Variants in BCL9 observed in about 807,000 individuals in gnomAD.
The protein encoded by BCL9 is BCL9 transcription coactivator.
A neutral mutation model predicts 88.5 loss-of-function variants in BCL9; 25 were observed. The ratio of observed to expected loss-of-function variants is 0.28; its 90% CI spans 0.21 to 0.39. BCL9 has a LOEUF of 0.39. Ranked by LOEUF, BCL9 falls within the 10% of genes least tolerant of loss-of-function variation. The probability of loss-of-function intolerance (pLI) is 1.00; values close to 1 mark genes in which losing one functional copy is unlikely to be tolerated. For synonymous variants in BCL9, 711 were observed against 673.3 expected, an observed-to-expected ratio of 1.06 and a Z score of -0.87; for missense variants, 1,817 against 1,877.8, an observed-to-expected ratio of 0.97 and a Z score of 0.60.
At position 147,544,846 on chromosome 1, in the gene BCL9, C is replaced by T. The variant is rs149410927; in HGVS notation, c.-478+3172C>T. ...AAGATAGAATGTTTTTTCTCTCTCT[C>T]TCTCTCTTCCTCCTATTTGTGGCCT... On this transcript the variant is annotated intron_variant, in intron 1 of 9. Coordinates refer to ENST00000234739, the MANE Select transcript of BCL9 (RefSeq NM_004326.4). Among the ~76,000 whole-genome samples the T allele has an allele frequency of 1.4e-3, 215 of 152,226 alleles. 1 individual carries two copies. Among genetic ancestry groups the T allele is most frequent in the Middle Eastern group, 3.5e-3 (1 of 288 alleles).
intron 1 of BCL9, among the ~76,000 whole-genome samples, chr1:147,592,473 G>A (rs1398976588): frequency 5.3e-5 from 8 of 152,166 alleles, no homozygotes; most frequent in Non-Finnish European, 1.0e-4. Flanking sequence ...CAGTTAAGGA[G>A]GATAGAGGTC....
At chr1:147,578,312 A>G (rs1443200971) in intron 1 of BCL9, among the ~76,000 whole-genome samples, 2 of 152,220 alleles carry the variant, frequency 1.3e-5, no homozygotes, top group Non-Finnish European at 2.9e-5. Context: ...TCCAAGATCC[A>G]AAAGTTTTTG....
At chr1:147,584,247 A>T (rs1172367954) in intron 1 of BCL9, among the ~76,000 whole-genome samples, 1 of 152,058 alleles carries the variant, frequency 6.6e-6, no homozygotes, top group Non-Finnish European at 1.5e-5. Flanking sequence ...AGGTTTTGCC[A>T]TGTTGGTCAC....
chr1:147,568,766 G>C (rs587682653), intron 1 of BCL9, among the ~76,000 whole-genome samples: 1 of 152,248 alleles, frequency 6.6e-6, no homozygotes, highest in African/African-American at 2.4e-5. Context: ...TAGCCCCAGG[G>C]CATTGGGCGT....
rs781978893 is a variant in BCL9 at position 147,588,052 on chromosome 1, C to T, written c.-477-16725C>T. Among the ~76,000 whole-genome samples, 781 of 152,094 alleles carry T rather than the reference C, an allele frequency of 5.1e-3. 7 individuals are homozygous for T. Among genetic ancestry groups the T allele is most frequent in the Non-Finnish European group, 7.0e-3 (475 of 68,012 alleles). On this transcript the variant is annotated intron_variant, in intron 1 of 9. Transcript: ENST00000234739. ...TTAATTAAAAAGTCTACTGGCAGGT[C>T]TTATAATTATTGTAATGTCATAGTG...
At position 147,611,708 on chromosome 1, in the gene BCL9, G is replaced by C; in HGVS notation, c.-129G>C. ...AAGAGGAAAAAGGCATACAGGCAGC[G>C]AGCGCTAAGGGACGCACCCAGCAAG... On this transcript the variant is annotated 5_prime_UTR_variant, in exon 4 of 10. Coordinates refer to ENST00000234739, the MANE Select transcript of BCL9 (RefSeq NM_004326.4). 1.2e-6 allele frequency: 1 copy of C among 811,420 alleles called. No homozygotes were observed. Among genetic ancestry groups the C allele is most frequent in the Middle Eastern group, 3.1e-4 (1 of 3,264 alleles). The allele number at this position is 811,420 out of a possible 1,614,324, so 50.3% of individuals were successfully genotyped here. A position where few individuals can be genotyped will look rare whatever the true frequency, so the allele number is the denominator to read the frequency against.
In BCL9 at chr1:147,624,075, G is replaced by A; in HGVS notation, c.3397G>A (p.Gly1133Arg). 1.9e-6 allele frequency: 3 copies of A among 1,612,038 alleles called. No individual in the cohort carries two copies. The highest frequency in any genetic ancestry group is 2.5e-6 in the Non-Finnish European group (3 of 1,178,450). ...GSQEPPMVPQ[G>R]RMGFPQGFPP... is the part of the protein sequence containing the mutation. ...CCAGGAGCCACCGATGGTACCTCAA[G>A]GACGGATGGGCTTCCCCCAGGGCTT... is the stretch of plus-strand genomic sequence containing the variant. Residue 1133 changes from glycine (G) to arginine (R), a missense_variant, in exon 10 of 10, where the codon GGA becomes AGA. Transcript: ENST00000234739. This position sits in a 1 kb window ranked among gnomAD's most constrained non-coding sequence, Gnocchi z 4.4.
At chr1:147,578,387 T>A (rs1553198283) in intron 1 of BCL9, among the ~76,000 whole-genome samples, 3 of 152,196 alleles carry the variant, frequency 2.0e-5, no homozygotes. Context: ...CAGAAAGCAG[T>A]TTATTCAGCA....
At chr1:147,558,509 C>G (rs1655220588) in intron 1 of BCL9, among the ~76,000 whole-genome samples, 1 of 152,116 alleles carries the variant, frequency 6.6e-6, no homozygotes, top group Non-Finnish European at 1.5e-5. Flanking sequence ...ATAATGCCTG[C>G]TGCCCCCACC....
intron 1 of BCL9, among the ~76,000 whole-genome samples, chr1:147,549,567 T>G (rs1654793446): frequency 6.6e-6 from 1 of 152,218 alleles, no homozygotes; most frequent in South Asian, 2.1e-4. Context: ...AATCTGCAGT[T>G]GTGACCATCT....
rs1553205001 is a variant in BCL9 at position 147,620,350 on chromosome 1, T to C, written c.2195T>C (p.Met732Thr). Reference sequence around the variant, plus strand: ...GTCAACATGGGATCCAACTCTCAGATGATACCTCAGAAGATGAGAGAGGCT... The same window carrying C: ...GTCAACATGGGATCCAACTCTCAGACGATACCTCAGAAGATGAGAGAGGCT... ...LNVNMGSNSQMIPQKMREAGA... is the reference protein window; with the variant it reads ...LNVNMGSNSQTIPQKMREAGA... Residue 732 changes from methionine to threonine, a missense_variant, in exon 8 of 10, where the codon ATG becomes ACG. Around this residue, in one of 2 missense-constraint regions of BCL9, gnomAD observed 1,228 missense variants for 1,191.6 expected, o/e 1.03. Transcript: ENST00000234739. 8 of 1,614,214 alleles carry C rather than the reference T, an allele frequency of 5.0e-6. No individual in the cohort carries two copies. Among genetic ancestry groups the C allele is most frequent in the South Asian group, 1.1e-5 (1 of 91,086 alleles).
At chr1:147,558,775 T>C (rs1178927633) in intron 1 of BCL9, among the ~76,000 whole-genome samples, 1 of 152,240 alleles carries the variant, frequency 6.6e-6, no homozygotes, top group South Asian at 2.1e-4. Flanking sequence ...CTGAATGCAC[T>C]TCAGTTTGTC....
intron 1 of BCL9, among the ~76,000 whole-genome samples, chr1:147,556,629 T>C (rs1279780685): frequency 1.3e-5 from 2 of 151,856 alleles, no homozygotes; most frequent in Admixed American, 6.6e-5. Flanking sequence ...TAAATGTTTT[T>C]GTAGAGACAG....
chr1:147,624,623 C>G lies in BCL9; in HGVS notation c.3945C>G (p.Pro1315=). The change falls in exon 10 of 10, where the codon CCC becomes CCG. Residue 1315 remains proline (P), a synonymous_variant. Coordinates refer to ENST00000234739, the MANE Select transcript of BCL9 (RefSeq NM_004326.4). The surrounding 1 kb of genome is among the most constrained non-coding windows in gnomAD (Gnocchi z 4.4). ...CTCCATCCATGCCAGGCCACAACCC[C>G]ATGAGACCACCAGCCTTTCTCCAAC... ...GTAPSMPGHN[P]MRPPAFLQQG... The G allele has an allele frequency of 6.2e-7, 1 of 1,614,240 alleles. No individual in the cohort carries two copies. Among genetic ancestry groups the G allele is most frequent in the Non-Finnish European group, 8.5e-7 (1 of 1,180,038 alleles).
intron 8 of BCL9, among the ~76,000 whole-genome samples, chr1:147,621,618 T>TG (rs587630522): frequency 1.1e-3 from 175 of 152,240 alleles, no homozygotes; most frequent in African/African-American, 4.0e-3. Flanking sequence ...GTTTTGTGAG[T>TG]GGGACTAGAG....
At position 147,611,931 on chromosome 1, in the gene BCL9, A is replaced by G. The variant is rs1479813034; in HGVS notation, c.53+42A>G. On this transcript the variant is annotated intron_variant, in intron 4 of 9. Coordinates refer to ENST00000234739, the MANE Select transcript of BCL9 (RefSeq NM_004326.4). ...GGCCTCTTCCTGCAGCCCCTTGGGGATGCCATAGGCACATCATGAACACTC... is the reference window on the plus strand; with the variant it reads ...GGCCTCTTCCTGCAGCCCCTTGGGGGTGCCATAGGCACATCATGAACACTC... The G allele has an allele frequency of 2.2e-5, 35 of 1,571,854 alleles. No homozygotes were observed. In the East Asian group the frequency reaches 7.8e-4, roughly 35 times the overall value.
chr1:147,602,534 T>C (rs1014677818), intron 1 of BCL9, among the ~76,000 whole-genome samples: 6 of 152,082 alleles, frequency 3.9e-5, no homozygotes, highest in Non-Finnish European at 7.4e-5. Context: ...TAATGTAAAT[T>C]TGAGAAAAGT....
At position 147,619,598 on chromosome 1, in the gene BCL9, A is replaced by G. The variant is rs950106405; in HGVS notation, c.1443A>G (p.Glu481=). Residue 481 remains glutamate, a synonymous_variant, in exon 8 of 10, where the codon GAA becomes GAG. Transcript: ENST00000234739. This position sits in a 1 kb window ranked among gnomAD's most constrained non-coding sequence, Gnocchi z 4.1. ...AWLKLQQEFY[E]EKRRKQEQVV... is the part of the protein sequence containing the mutation. ...TGAAACTGCAGCAGGAGTTTTATGAAGAGAAGAGGAGGAAGCAGGAACAAG... is the reference window on the plus strand; with the variant it reads ...TGAAACTGCAGCAGGAGTTTTATGAGGAGAAGAGGAGGAAGCAGGAACAAG... 6.2e-7 allele frequency: 1 copy of G among 1,613,962 alleles called. No homozygotes were observed. Among genetic ancestry groups the G allele is most frequent in the South Asian group, 1.1e-5 (1 of 91,072 alleles).
chr1:147,566,468 G>C (rs1365111866), intron 1 of BCL9, among the ~76,000 whole-genome samples: 3 of 151,268 alleles, frequency 2.0e-5, no homozygotes, highest in Non-Finnish European at 4.4e-5. Flanking sequence ...GTCATGGGCC[G>C]GCCATGGCCA....
Sources: allele counts gnomAD v4.1 joint callset (sites outside exome capture counted in the v4.1 genomes callset), GRCh38; gene constraint gnomAD v4.1.1; regional missense constraint gnomAD v4.1.1; non-coding constraint Gnocchi (gnomAD v3.1); transcripts MANE v1.5; gene names NCBI Gene and HGNC (gene_info 2026-07-23, HGNC 2026-07-21).